Variants in DLG5 observed in about 807,000 individuals in gnomAD.
The protein encoded by DLG5 is discs large MAGUK scaffold protein 5.
Under a neutral mutation model 189.8 loss-of-function variants are expected in DLG5, and 48 were observed. The ratio of observed to expected loss-of-function variants is 0.25; its 90% CI spans 0.20 to 0.32. DLG5 has a LOEUF of 0.32. Ranked by LOEUF, DLG5 falls within the 10% of genes least tolerant of loss-of-function variation. DLG5 has a pLI of 1.00. For synonymous variants in DLG5, 1,016 were observed against 1,054.1 expected, an observed-to-expected ratio of 0.96 and a Z score of 0.70; for missense variants, 2,160 against 2,544.7, an observed-to-expected ratio of 0.85 and a Z score of 3.25.
intron 1 of DLG5, among the ~76,000 whole-genome samples, chr10:77,915,941 T>C (rs1301934549): frequency 6.6e-6 from 1 of 152,206 alleles, no homozygotes; most frequent in Non-Finnish European, 1.5e-5. Flanking sequence ...GGTTAATGTC[T>C]GGCCTCCAAA....
intron 1 of DLG5, among the ~76,000 whole-genome samples, chr10:77,879,740 G>C (rs1354277488): frequency 6.6e-6 from 1 of 151,742 alleles, no homozygotes. Flanking sequence ...ATGACTCCAG[G>C]GTTCTTGGCC....
intron 1 of DLG5, among the ~76,000 whole-genome samples, chr10:77,923,040 G>A (rs1199840547): frequency 6.6e-6 from 1 of 152,214 alleles, no homozygotes; most frequent in East Asian, 1.9e-4. Flanking sequence ...AAGTGCCAGT[G>A]GGGGATGGGC....
Position 77,839,120 on chromosome 10 carries a change from G to A in DLG5, c.1437+2761C>T, listed in dbSNP as rs535979217. Among the ~76,000 whole-genome samples the A allele has an allele frequency of 1.9e-3, 296 of 152,328 alleles. 1 individual carries two copies. The highest frequency in any genetic ancestry group is 6.8e-3 in the African/African-American group (281 of 41,570). The stretch of plus-strand genomic sequence containing the variant: ...AGGCCTGGAGGTCTCATTGCTGGAC[G>A]CCAGCACCACAGGGAACTCAGGTGT... On this transcript the variant is annotated intron_variant, in intron 7 of 31. Transcript: ENST00000372391.
intron 1 of DLG5, among the ~76,000 whole-genome samples, chr10:77,918,697 G>A (rs1328158215): frequency 6.6e-6 from 1 of 151,444 alleles, no homozygotes; most frequent in African/African-American, 2.4e-5. Flanking sequence ...CAGGTAAAAG[G>A]CGAAAAAAAA....
chr10:77,814,732 G>A (rs1258168324), intron 20 of DLG5, among the ~76,000 whole-genome samples: 1 of 151,656 alleles, frequency 6.6e-6, no homozygotes, highest in African/African-American at 2.4e-5. Context: ...CTGCCACCGT[G>A]CCTGGCTAAT....
chr10:77,841,320 C>G (rs1425370340), intron 7 of DLG5, among the ~76,000 whole-genome samples: 2 of 152,214 alleles, frequency 1.3e-5, no homozygotes, highest in African/African-American at 2.4e-5. Context: ...CCCAGCCCCC[C>G]AACCCTGGAG....
intron 12 of DLG5, 40 bp from the exon 13 acceptor site, chr10:77,829,025 G>T (rs781510120): frequency 6.3e-7 from 1 of 1,595,510 alleles, no homozygotes; most frequent in Non-Finnish European, 8.6e-7. Flanking sequence ...CCCTGGCCTC[G>T]CTGCCCAGCC....
chr10:77,840,127 T>C (rs1035320522), intron 7 of DLG5, among the ~76,000 whole-genome samples: 5 of 152,202 alleles, frequency 3.3e-5, no homozygotes, highest in Non-Finnish European at 7.3e-5. Flanking sequence ...CCTGTAATCC[T>C]AGCACTTTGG....
intron 1 of DLG5, among the ~76,000 whole-genome samples, chr10:77,885,067 G>A (rs1845398391): frequency 6.6e-6 from 1 of 152,146 alleles, no homozygotes; most frequent in Non-Finnish European, 1.5e-5. Flanking sequence ...CACTCAGGCT[G>A]TCACCTCCTA....
In DLG5 at chr10:77,875,031, T is replaced by G. The variant is rs181000691; in HGVS notation, c.305-5834A>C. 2.4e-3 allele frequency among the ~76,000 whole-genome samples: 361 copies of G among 152,356 alleles called. 2 individuals are homozygous for G. The highest frequency in any genetic ancestry group is 0.024 in the South Asian group (114 of 4,828). ...TTTGCATGTATTGCCTCCATTAATT[T>G]CCATAACAACCCAAAGGTTGTCATT... On this transcript the variant is annotated intron_variant, in intron 1 of 31. Transcript: ENST00000372391.
intron 9 of DLG5, among the ~76,000 whole-genome samples, chr10:77,833,160 A>C (rs1053605270): frequency 6.6e-6 from 1 of 152,106 alleles, no homozygotes; most frequent in African/African-American, 2.4e-5. Flanking sequence ...GGGCTCTGCC[A>C]ATTTCTATGC....
At chr10:77,936,441 CAAAACAAAAAAAAA>C in the DLG5 span, among the ~76,000 whole-genome samples, 3 of 87,872 alleles carry the variant, frequency 3.4e-5, no homozygotes, top group African/African-American at 1.3e-4. Context: ...CGTCTCAAAA[CAAAACAAAAAAAAA>C]AAAAAAAAAA....
chr10:77,817,133 T>G lies in DLG5; in HGVS notation c.3785-37A>C, dbSNP rs560751906. The G allele has an allele frequency of 1.6e-5, 25 of 1,572,600 alleles. No individual in the cohort carries two copies. In the African/African-American group the frequency reaches 2.4e-4, roughly 15 times the overall value. On this transcript the variant is annotated intron_variant, in intron 18 of 31. Transcript: ENST00000372391. Reference sequence around the variant, plus strand: ...TAAGGGAACAAAACTTCAGGCCTCATGGTTAAACACCACCCTGTCCTTCCT... The same window carrying G: ...TAAGGGAACAAAACTTCAGGCCTCAGGGTTAAACACCACCCTGTCCTTCCT...
intron 13 of DLG5, 79 bp downstream of exon 13, chr10:77,828,803 C>A: frequency 7.1e-7 from 1 of 1,414,918 alleles, no homozygotes. Context: ...AAACTTTGCT[C>A]ATTACTTCTT....
At chr10:77,884,218 A>T (rs1348860120) in intron 1 of DLG5, among the ~76,000 whole-genome samples, 4 of 152,218 alleles carry the variant, frequency 2.6e-5, no homozygotes, top group Admixed American at 6.5e-5. Flanking sequence ...ACTCGGAAGC[A>T]AAGAAACTTC....
At chr10:77,915,222 T>C (rs891743304) in intron 1 of DLG5, among the ~76,000 whole-genome samples, 3 of 151,542 alleles carry the variant, frequency 2.0e-5, no homozygotes, top group African/African-American at 7.3e-5. Context: ...AGCTACTTGG[T>C]AGGCTGAGGC....
intron 21 of DLG5, 56 bp from the exon 22 acceptor site, chr10:77,812,113 A>C: frequency 6.2e-7 from 1 of 1,600,628 alleles, no homozygotes; most frequent in East Asian, 2.2e-5. Flanking sequence ...GACAGGGAGG[A>C]GGCCCTGGGG....
chr10:77,810,955 C>T (rs759091987), intron 23 of DLG5, 139 bp downstream of exon 23: 79 of 1,043,260 alleles, frequency 7.6e-5, no homozygotes, highest in Non-Finnish European at 9.4e-5. Context: ...GCCGTGCTCC[C>T]GGCCCAACTC....
At chr10:77,847,550 GGTT>G (rs2154576499) in intron 5 of DLG5, among the ~76,000 whole-genome samples, 1 of 152,210 alleles carries the variant, frequency 6.6e-6, no homozygotes, top group African/African-American at 2.4e-5. Flanking sequence ...ACCAGGTCAT[GGTT>G]AACTCCGGAG....
Sources: allele counts gnomAD v4.1 joint callset (sites outside exome capture counted in the v4.1 genomes callset), GRCh38; gene constraint gnomAD v4.1.1; transcripts MANE v1.5; gene names NCBI Gene and HGNC (gene_info 2026-07-23, HGNC 2026-07-21).